RNF43: variants seen among roughly 807,000 people sequenced by gnomAD.
The protein encoded by RNF43 is ring finger protein 43.
RNF43 carries 37 observed loss-of-function variants against 78.4 expected under a neutral mutation model. The observed-to-expected ratio is 0.47, with a 90% CI of 0.36 to 0.62. RNF43 has a LOEUF of 0.62. Ranked by LOEUF, RNF43 falls within the 20% of genes least tolerant of loss-of-function variation. The pLI is 0.00. For synonymous variants in RNF43, 347 were observed against 395.0 expected, an observed-to-expected ratio of 0.88 and a Z score of 1.44; for missense variants, 774 against 1,007.9, an observed-to-expected ratio of 0.77 and a Z score of 3.14.
chr17:58,400,572 T>C (rs1177104215), intron 2 of RNF43, among the ~76,000 whole-genome samples: 1 of 152,138 alleles, frequency 6.6e-6, no homozygotes, highest in East Asian at 1.9e-4. Flanking sequence ...CCCATTTTAC[T>C]CAGGAAGCCA....
At chr17:58,403,511 C>A (rs1452839173) in intron 2 of RNF43, among the ~76,000 whole-genome samples, 1 of 152,218 alleles carries the variant, frequency 6.6e-6, no homozygotes, top group Non-Finnish European at 1.5e-5. Flanking sequence ...GAGGAACAGG[C>A]CTGCCTGTAC....
chr17:58,371,672 T>C (rs1475192754), intron 2 of RNF43, among the ~76,000 whole-genome samples: 1 of 152,198 alleles, frequency 6.6e-6, no homozygotes, highest in Non-Finnish European at 1.5e-5. Context: ...GGTGAGACTA[T>C]CTTGCAATGA....
chr17:58,365,024 C>G (rs886881228), intron 3 of RNF43, among the ~76,000 whole-genome samples: 1 of 152,202 alleles, frequency 6.6e-6, no homozygotes, highest in Non-Finnish European at 1.5e-5. Context: ...CTTCCTCCCC[C>G]AGGAGCTAGG....
At chr17:58,411,019 A>C (rs114469297) in intron 2 of RNF43, among the ~76,000 whole-genome samples, 3 of 152,226 alleles carry the variant, frequency 2.0e-5, no homozygotes, top group Admixed American at 6.5e-5. Flanking sequence ...ACTAGATAAT[A>C]ATAGTTAATA....
intron 2 of RNF43, among the ~76,000 whole-genome samples, chr17:58,383,990 G>A (rs544757843): frequency 1.1e-4 from 16 of 152,238 alleles, no homozygotes; most frequent in African/African-American, 2.2e-4. Context: ...TCAGCTTCCC[G>A]GCAGCTTGAT....
At chr17:58,374,895 A>G (rs1973175455) in intron 2 of RNF43, among the ~76,000 whole-genome samples, 1 of 152,098 alleles carries the variant, frequency 6.6e-6, no homozygotes, top group African/African-American at 2.4e-5. Flanking sequence ...AACTCATTCT[A>G]TCCCCAAAAC....
intron 2 of RNF43, among the ~76,000 whole-genome samples, chr17:58,377,666 C>A (rs1160493300): frequency 7.5e-6 from 1 of 133,072 alleles, no homozygotes; most frequent in African/African-American, 2.7e-5. Context: ...GAACTCTCCT[C>A]CCCACCCACC....
At chr17:58,415,229 C>T (rs2143692915) in intron 2 of RNF43, 97 bp downstream of exon 2, 3 of 1,274,966 alleles carry the variant, frequency 2.4e-6, no homozygotes, top group Non-Finnish European at 3.3e-6. Flanking sequence ...GAAAGCTAAG[C>T]AGTAGAAGCC....
intron 1 of RNF43, chr17:58,416,218 C>T (rs1466734244): frequency 6.5e-6 from 1 of 153,810 alleles, no homozygotes; most frequent in East Asian, 1.9e-4. Context: ...AAAGTTTCCA[C>T]ATTAAACTGT....
intron 2 of RNF43, among the ~76,000 whole-genome samples, chr17:58,396,989 T>A (rs1973695163): frequency 1.3e-5 from 2 of 151,948 alleles, no homozygotes; most frequent in Non-Finnish European, 2.9e-5. Flanking sequence ...GATGGAAAGA[T>A]TCAGGGCTTT....
rs373809449 is a variant in RNF43 at position 58,360,181 on chromosome 17, C to A, written c.920G>T (p.Arg307Leu). The change falls in exon 8 of 10, where the codon CGG becomes CTG. Residue 307 changes from arginine to leucine, a missense_variant. Transcript: ENST00000407977. This position sits in a 1 kb window ranked among gnomAD's most constrained non-coding sequence, Gnocchi z 4.3. ...NCVDPWLHQH[R>L]TCPLCMFNIT... The stretch of plus-strand genomic sequence containing the variant: ...GTTGAACATGCAGAGGGGGCAAGTC[C>A]GATGCTGATGTAACCAGGGGTCCAC... 6.2e-7 allele frequency: 1 copy of A among 1,613,888 alleles called. No homozygotes were observed. Among genetic ancestry groups the A allele is most frequent in the Non-Finnish European group, 8.5e-7 (1 of 1,179,944 alleles).
chr17:58,362,688 G>A (rs2143461583), intron 5 of RNF43, 40 bp from the exon 6 acceptor site: 2 of 1,497,112 alleles, frequency 1.3e-6, no homozygotes, highest in Non-Finnish European at 1.8e-6. Flanking sequence ...ATACTTCCGG[G>A]ATGAGCTGGG....
rs746259231 is a variant in RNF43 at position 58,358,502 on chromosome 17, G to A, written c.1274C>T (p.Ser425Leu). The A allele has an allele frequency of 1.2e-6, 2 of 1,613,752 alleles. No individual in the cohort carries two copies. Among genetic ancestry groups the A allele is most frequent in the Admixed American group, 1.7e-5 (1 of 59,998 alleles). The change falls in exon 9 of 10, where the codon TCA (serine) becomes TTA (leucine). Residue 425 changes from serine (S) to leucine (L), a missense_variant. Coordinates refer to ENST00000407977, the MANE Select transcript of RNF43 (RefSeq NM_017763.6). This position sits in a 1 kb window ranked among gnomAD's most constrained non-coding sequence, Gnocchi z 6.2. ...CACTGGGCAAGCAGCAGGGTGCTGT[G>A]AGGTGGATTGGAGGTGGCTCAGTCC... is the stretch of plus-strand genomic sequence containing the variant. ...GWGLSHLQST[S>L]QHPAACPVPL...
chr17:58,363,627 G>A (rs200276342), intron 3 of RNF43, 27 bp from the exon 4 acceptor site: 2 of 1,597,992 alleles, frequency 1.3e-6, no homozygotes, highest in Non-Finnish European at 1.7e-6. Context: ...TAGAGGTTGG[G>A]CTGAGGTCAG....
At chr17:58,362,303 G>A (rs1001436907) in intron 6 of RNF43, among the ~76,000 whole-genome samples, 5 of 152,058 alleles carry the variant, frequency 3.3e-5, no homozygotes, top group Non-Finnish European at 7.4e-5. Context: ...CTTGTTCACT[G>A]TACTACCCTC....
intron 3 of RNF43, among the ~76,000 whole-genome samples, chr17:58,364,830 A>G (rs909020550): frequency 4.6e-5 from 7 of 152,202 alleles, no homozygotes; most frequent in African/African-American, 1.7e-4. Context: ...CTGTCTTCCC[A>G]GGGAGAGCCT....
rs1042091234 is a variant in RNF43, at chr17:58,417,411, C to T, written c.-780G>A. On this transcript the variant is annotated 5_prime_UTR_variant, in exon 1 of 10. In the 5' UTR this introduces an upstream ATG that the reference lacks. Transcript: ENST00000407977. Reference sequence around the variant, plus strand: ...AAGTAGCAAATACATCAACAATTCACTATCAGAAACACATAAAATCCCAGA... The same window carrying T: ...AAGTAGCAAATACATCAACAATTCATTATCAGAAACACATAAAATCCCAGA... 1.1e-4 allele frequency: 17 copies of T among 152,362 alleles called. No individual in the cohort carries two copies. Among genetic ancestry groups the T allele is most frequent in the African/African-American group, 4.1e-4 (17 of 41,578 alleles). 9.4% of individuals were successfully genotyped at this position (152,362 alleles called of 1,614,324 possible).
intron 3 of RNF43, among the ~76,000 whole-genome samples, chr17:58,368,026 T>C (rs1598138169): frequency 6.6e-6 from 1 of 152,040 alleles, no homozygotes; most frequent in African/African-American, 2.4e-5. Context: ...CTTAGAGAGG[T>C]GAGCTAAAAA....
intron 2 of RNF43, among the ~76,000 whole-genome samples, chr17:58,386,454 C>T (rs901785563): frequency 1.3e-5 from 2 of 152,056 alleles, no homozygotes; most frequent in East Asian, 1.9e-4. Context: ...ACAACAACAC[C>T]GTGCAAGAAG....
Sources: allele counts gnomAD v4.1 joint callset (sites outside exome capture counted in the v4.1 genomes callset), GRCh38; gene constraint gnomAD v4.1.1; non-coding constraint Gnocchi (gnomAD v3.1); transcripts MANE v1.5; gene names NCBI Gene and HGNC (gene_info 2026-07-23, HGNC 2026-07-21).